CCN5: variants seen among roughly 807,000 people sequenced by gnomAD.
The protein encoded by CCN5 is cellular communication network factor 5, also known as CCN family member 5.
Under a neutral mutation model 18.7 loss-of-function variants are expected in CCN5, and 17 were observed. The ratio of observed to expected loss-of-function variants is 0.91; its 90% CI spans 0.62 to 1.36. The LOEUF is 1.36. CCN5 is among the 40% of genes most tolerant of loss of function. The pLI is 0.00. For missense variants in CCN5, 367 were observed against 342.9 expected (o/e 1.07, Z -0.56); for synonymous variants, 135 against 145.2 (o/e 0.93, Z 0.50).
At chr20:44,715,525 C>A in intron 1 of CCN5, 75 bp downstream of exon 1, 1 of 1,482,454 alleles carries the variant, frequency 6.7e-7, no homozygotes, top group South Asian at 1.2e-5. Flanking sequence ...AAATCGCAGC[C>A]AAGGACCCCC....
At chr20:44,719,081 C>T (rs1009847641) in intron 1 of CCN5, among the ~76,000 whole-genome samples, 1 of 152,104 alleles carries the variant, frequency 6.6e-6, no homozygotes, top group African/African-American at 2.4e-5. Context: ...GGAAAATGTA[C>T]CAGACCCTAC....
chr20:44,719,830 G>T, intron 1 of CCN5, 67 bp from the exon 2 acceptor site: 1 of 1,510,536 alleles, frequency 6.6e-7, no homozygotes, highest in South Asian at 1.2e-5. Context: ...CAGAGAAGTG[G>T]CTGGTTGTGA....
chr20:44,718,376 C>T (rs1047899642), intron 1 of CCN5, among the ~76,000 whole-genome samples: 2 of 152,096 alleles, frequency 1.3e-5, no homozygotes, highest in African/African-American at 4.8e-5. Context: ...GTCATTAATT[C>T]CATCATTATA....
At chr20:44,715,254 TGTGTGTGAGCGC>T (rs1433057098), upstream of CCN5, 247 of 579,122 alleles carry the variant, frequency 4.3e-4, 5 homozygotes, top group Middle Eastern at 8.6e-4. Context: ...TGTGTGTGTG[TGTGTGTGAGCGC>T]GCGCGCGCGC....
At position 44,724,752 on chromosome 20, in the gene CCN5, A is replaced by G. The variant is rs780049355; in HGVS notation, c.292A>G (p.Ser98Gly). 1.9e-6 allele frequency: 3 copies of G among 1,612,708 alleles called. 1 individual carries two copies. In the South Asian group the frequency reaches 3.3e-5, roughly 18 times the overall value. The change falls in exon 3 of 4, where the codon AGC becomes GGC. Residue 98 changes from serine to glycine, a missense_variant. Coordinates refer to ENST00000190983, the MANE Select transcript of CCN5 (RefSeq NM_003881.4). Reference protein sequence around the residue: ...GALCLLAEDDSSCEVNGRLYR... With the variant: ...GALCLLAEDDGSCEVNGRLYR... ...TTCCTCCGCAGTGGCAGAGGACGAC[A>G]GCAGCTGTGAGGTGAACGGCCGCCT...
At chr20:44,715,619 C>T (rs1253062068) in intron 1 of CCN5, among the ~76,000 whole-genome samples, 169 bp downstream of exon 1, 1 of 152,234 alleles carries the variant, frequency 6.6e-6, no homozygotes, top group Non-Finnish European at 1.5e-5. Context: ...GAACTCAGAG[C>T]TGCCTCCGGC....
chr20:44,725,509 C>G (rs1174238727), intron 3 of CCN5, among the ~76,000 whole-genome samples: 1 of 151,928 alleles, frequency 6.6e-6, no homozygotes, highest in African/African-American at 2.4e-5. Flanking sequence ...AAACAAAAAG[C>G]CACTGCCTTT....
At position 44,724,914 on chromosome 20, in the gene CCN5, G is replaced by A. The variant is rs771920917; in HGVS notation, c.454G>A (p.Glu152Lys). ...SWDCPHPRRV[E>K]VLGKCCPEWV... ...GGACTGCCCCCACCCCAGGAGGGTC[G>A]AGGTCCTGGGCAAGTGCTGCCCTGA... Residue 152 changes from glutamate (E) to lysine (K), a missense_variant, in exon 3 of 4, where the codon GAG becomes AAG. Transcript: ENST00000190983. 5.0e-6 allele frequency: 8 copies of A among 1,594,834 alleles called. No homozygotes were observed. The South Asian group carries it at 9.1e-5, about 18-fold the overall frequency.
chr20:44,715,270 C>T (rs1476983677), upstream of CCN5: 4,033 of 712,392 alleles, frequency 5.7e-3, 157 homozygotes, highest in African/African-American at 0.066. Context: ...TGAGCGCGCG[C>T]GCGCGCGCGC....
At chr20:44,720,405 C>T (rs2065891231) in intron 2 of CCN5, 2 of 462,916 alleles carry the variant, frequency 4.3e-6, no homozygotes, top group East Asian at 4.6e-5. Context: ...CCCTGAGAAG[C>T]CCCCCCAGAT....
Position 44,724,736 on chromosome 20 carries a change from A to AT in CCN5, c.278-2_278-1insT. ...GATGGGGGTGCGGTTTTTCCTCCGC[A>AT]GTGGCAGAGGACGACAGCAGCTGTG... On this transcript the variant is annotated splice_acceptor_variant, in intron 2 of 3. Coordinates refer to ENST00000190983, the MANE Select transcript of CCN5 (RefSeq NM_003881.4). LOFTEE classifies it high-confidence loss of function. The AT allele has an allele frequency of 6.2e-7, 1 of 1,612,526 alleles. No individual in the cohort carries two copies. Among genetic ancestry groups the AT allele is most frequent in the Non-Finnish European group, 8.5e-7 (1 of 1,179,734 alleles).
chr20:44,715,274 CGCGCGCGTGTGTACTCGTGCGT>C (rs1484233654), upstream of CCN5: 9 of 749,062 alleles, frequency 1.2e-5, no homozygotes, highest in Non-Finnish European at 1.8e-5. Context: ...CGCGCGCGCG[CGCGCGCGTGTGTACTCGTGCGT>C]GTGCCTGTGT....
upstream of CCN5, chr20:44,715,085 C>A: frequency 3.2e-6 from 1 of 309,508 alleles, no homozygotes; most frequent in Non-Finnish European, 6.1e-6. Context: ...GGCTTTCACA[C>A]ACACACACGC....
intron 1 of CCN5, among the ~76,000 whole-genome samples, chr20:44,719,287 C>G: frequency 6.6e-6 from 1 of 152,318 alleles, no homozygotes; most frequent in South Asian, 2.1e-4. Context: ...GAGTTAGATA[C>G]TTTGAGGAAA....
upstream of CCN5, chr20:44,715,242 T>C (rs1349098436): frequency 3.7e-6 from 2 of 538,124 alleles, no homozygotes; most frequent in Non-Finnish European, 6.6e-6. Context: ...TGTGTGTGTG[T>C]GTGTGTGTGT....
At chr20:44,726,197 C>T (rs1239010887) in intron 3 of CCN5, among the ~76,000 whole-genome samples, 1 of 152,070 alleles carries the variant, frequency 6.6e-6, no homozygotes, top group Non-Finnish European at 1.5e-5. Context: ...CAGAGGTAGC[C>T]GTTATTATCC....
At chr20:44,720,134 G>A (rs568290942) in intron 2 of CCN5, 21 bp downstream of exon 2, 2 of 1,538,212 alleles carry the variant, frequency 1.3e-6, no homozygotes. Flanking sequence ...TTGCAGGACT[G>A]AGTGGGGGCG....
chr20:44,725,167 G>A (rs1287860671), intron 3 of CCN5, among the ~76,000 whole-genome samples, 175 bp downstream of exon 3: 1 of 151,170 alleles, frequency 6.6e-6, no homozygotes, highest in African/African-American at 2.4e-5. Flanking sequence ...GCCGGGCGCT[G>A]TGGTTCACCC....
intron 3 of CCN5, among the ~76,000 whole-genome samples, chr20:44,725,314 T>G (rs2065929310): frequency 6.6e-6 from 1 of 152,158 alleles, no homozygotes; most frequent in African/African-American, 2.4e-5. Flanking sequence ...GGCGGGCATC[T>G]GTAGTCCCAG....
Sources: gnomAD v4.1 joint callset for allele counts (sites outside exome capture counted in the v4.1 genomes callset) on GRCh38, gnomAD v4.1.1 for gene constraint, MANE v1.5 for transcripts, NCBI Gene and HGNC (gene_info 2026-07-23, HGNC 2026-07-21) for gene names.